Variants in CNTNAP4 observed in about 807,000 individuals in gnomAD.
The protein encoded by CNTNAP4 is contactin-associated protein-like 4.
CNTNAP4 carries 98 observed loss-of-function variants against 148.4 expected under a neutral mutation model. The observed-to-expected ratio is 0.66, with a 90% confidence interval of 0.56 to 0.78. The LOEUF (loss-of-function observed/expected upper bound fraction) is 0.78, where lower values mean the gene tolerates loss of function less well. Among genes scored for constraint, CNTNAP4 ranks in the 30% least tolerant of loss-of-function variants. The pLI is 0.00. For synonymous variants in CNTNAP4, 730 were observed against 565.1 expected (o/e 1.29, Z -4.14); for missense variants, 1,935 against 1,565.6 (o/e 1.24, Z -3.98).
intron 1 of CNTNAP4, among the ~76,000 whole-genome samples, chr16:76,302,078 A>G (rs890762445): frequency 2.0e-5 from 3 of 152,088 alleles, no homozygotes; most frequent in Non-Finnish European, 2.9e-5. Context: ...CGAAGCGACC[A>G]TTACCATGGT....
chr16:76,446,495 A>G (rs2080250783), intron 4 of CNTNAP4, among the ~76,000 whole-genome samples: 1 of 152,202 alleles, frequency 6.6e-6, no homozygotes. Flanking sequence ...TGACAGATGT[A>G]TTGTTAGGTT....
chr16:76,326,650 G>A lies in CNTNAP4; in HGVS notation c.196+10127G>A, dbSNP rs150411439. Among the ~76,000 whole-genome samples, 94 of 152,186 alleles carry A rather than the reference G, an allele frequency of 6.2e-4. 1 individual carries two copies. The highest frequency in any genetic ancestry group is 2.2e-3 in the African/African-American group (90 of 41,516). ...ATGATGAGTTCATGTCCTTTGTAGGGACATGGATAAAGCTGGAAACCATCA... is the reference window on the plus strand; with the variant it reads ...ATGATGAGTTCATGTCCTTTGTAGGAACATGGATAAAGCTGGAAACCATCA... On this transcript the variant is annotated intron_variant, in intron 2 of 23. Transcript: ENST00000611870.
intron 15 of CNTNAP4, among the ~76,000 whole-genome samples, chr16:76,503,802 G>A (rs2082739658): frequency 6.6e-6 from 1 of 151,766 alleles, no homozygotes; most frequent in South Asian, 2.1e-4. Context: ...CTTTGCGATA[G>A]TTTGCTGAGA....
In CNTNAP4 at chr16:76,465,181, C is replaced by A. The variant is rs141470461; in HGVS notation, c.1484-2171C>A. On this transcript the variant is annotated intron_variant, in intron 9 of 23. Coordinates refer to ENST00000611870, the MANE Select transcript of CNTNAP4 (RefSeq NM_033401.5). ...GAGGTGCTTAACATGCTGACTGCCT[C>A]CAGTAATGGATCCATCCATTAATTC... 1.1e-3 allele frequency among the ~76,000 whole-genome samples: 167 copies of A among 152,294 alleles called. 2 individuals are homozygous for A. In the East Asian group the frequency reaches 0.028, roughly 26 times the overall value.
intron 3 of CNTNAP4, among the ~76,000 whole-genome samples, chr16:76,397,791 A>G (rs2078252020): frequency 9.4e-6 from 1 of 106,714 alleles, no homozygotes; most frequent in Non-Finnish European, 2.0e-5. Context: ...TTATGTGTGC[A>G]TGTGTTTGTG....
chr16:76,379,013 T>C (rs1326152394), intron 3 of CNTNAP4, among the ~76,000 whole-genome samples: 3 of 152,184 alleles, frequency 2.0e-5, no homozygotes, highest in Non-Finnish European at 2.9e-5. Flanking sequence ...AAAATGTGAT[T>C]GAGACTCAGT....
In CNTNAP4 at chr16:76,448,061, T is replaced by C. The variant is rs550245520; in HGVS notation, c.588T>C (p.Phe196=). ...LDGKSSLLYR[F]DQKSLSPIKD... ...GAAAAAGTTCCCTTCTCTACAGATT[T>C]GATCAAAAATCCCTGAGCCCAATAA... Residue 196 remains phenylalanine, a synonymous_variant, in exon 5 of 24, where the codon TTT becomes TTC. Coordinates refer to ENST00000611870, the MANE Select transcript of CNTNAP4 (RefSeq NM_033401.5). 1.2e-6 allele frequency: 2 copies of C among 1,613,796 alleles called. No homozygotes were observed. Among genetic ancestry groups the C allele is most frequent in the Admixed American group, 1.7e-5 (1 of 60,016 alleles).
In CNTNAP4 at chr16:76,560,575, C is replaced by A. The variant is rs2085375513; in HGVS notation, c.*1892C>A. Among the ~76,000 whole-genome samples, 2 of 152,084 alleles carry A rather than the reference C, an allele frequency of 1.3e-5. No individual in the cohort carries two copies. The highest frequency in any genetic ancestry group is 4.1e-4 in the South Asian group (2 of 4,822). ...CATGTTATTTAGTAGCGGTATTAAC[C>A]TCATTGGTAGCTGAACTCTAGGGAG... On this transcript the variant is annotated 3_prime_UTR_variant, in exon 24 of 24. Coordinates refer to ENST00000611870, the MANE Select transcript of CNTNAP4 (RefSeq NM_033401.5).
At chr16:76,434,987 G>C (rs1442367512) in intron 4 of CNTNAP4, among the ~76,000 whole-genome samples, 1 of 152,156 alleles carries the variant, frequency 6.6e-6, no homozygotes, top group Non-Finnish European at 1.5e-5. Flanking sequence ...ACAGTGTCCA[G>C]TGGTCCCTGA....
chr16:76,363,326 C>A (rs1361944834), intron 3 of CNTNAP4, among the ~76,000 whole-genome samples: 1 of 151,912 alleles, frequency 6.6e-6, no homozygotes, highest in Non-Finnish European at 1.5e-5. Flanking sequence ...CCATACCCAG[C>A]TAATTTTTTA....
At chr16:76,344,104 A>G (rs2144378894) in intron 2 of CNTNAP4, among the ~76,000 whole-genome samples, 2 of 152,302 alleles carry the variant, frequency 1.3e-5, no homozygotes, top group Middle Eastern at 6.8e-3. Flanking sequence ...CTCTTTGCAT[A>G]CCACCCTATC....
In CNTNAP4 at chr16:76,355,371, G is replaced by C. The variant is rs1392639874; in HGVS notation, c.250G>C (p.Asp84His). 1 of 1,605,940 alleles carries C rather than the reference G, an allele frequency of 6.2e-7. No individual in the cohort carries two copies. Among genetic ancestry groups the C allele is most frequent in the East Asian group, 2.3e-5 (1 of 44,134 alleles). Reference sequence around the variant, plus strand: ...TAACAAATACCAGTGGTTGCAGATTGACCTTGGAGAGAGAATGGAGGTCAC... The same window carrying C: ...TAACAAATACCAGTGGTTGCAGATTCACCTTGGAGAGAGAATGGAGGTCAC... ...VSNKYQWLQIDLGERMEVTAV... is the reference protein window; with the variant it reads ...VSNKYQWLQIHLGERMEVTAV... Residue 84 changes from aspartate (D) to histidine (H), a missense_variant, in exon 3 of 24, where the codon GAC (aspartate) becomes CAC (histidine). Asp to His is a moderately conservative substitution (Grantham distance 81). Transcript: ENST00000611870.
At chr16:76,450,219 G>A (rs940097667) in intron 7 of CNTNAP4, among the ~76,000 whole-genome samples, 1 of 151,612 alleles carries the variant, frequency 6.6e-6, no homozygotes, top group African/African-American at 2.4e-5. Flanking sequence ...GCATAATCTC[G>A]GCTCACTGCA....
intron 14 of CNTNAP4, 61 bp from the exon 15 acceptor site, chr16:76,498,506 T>C: frequency 2.7e-6 from 4 of 1,477,110 alleles, no homozygotes; most frequent in African/African-American, 1.4e-5. Context: ...ATCTTGGTTT[T>C]GCAATGCAAT....
intron 9 of CNTNAP4, among the ~76,000 whole-genome samples, chr16:76,463,397 G>C (rs1310623181): frequency 6.6e-6 from 1 of 152,054 alleles, no homozygotes; most frequent in Non-Finnish European, 1.5e-5. Context: ...TCATGTTCAG[G>C]TTTAACAATG....
chr16:76,294,970 A>C lies in CNTNAP4; in HGVS notation c.85+17223A>C, dbSNP rs559810741. 5.0e-4 allele frequency among the ~76,000 whole-genome samples: 76 copies of C among 152,274 alleles called. No homozygotes were observed. The South Asian group carries it at 8.1e-3, about 16-fold the overall frequency. On this transcript the variant is annotated intron_variant, in intron 1 of 23. Coordinates refer to ENST00000611870, the MANE Select transcript of CNTNAP4 (RefSeq NM_033401.5). ...TAAGACAAAATGTATTGTATTGTTTAAGGTGCTTATAGGGGGGCCGGTGTT... is the reference window on the plus strand; with the variant it reads ...TAAGACAAAATGTATTGTATTGTTTCAGGTGCTTATAGGGGGGCCGGTGTT...
At chr16:76,541,970 G>A (rs1358160884) in intron 21 of CNTNAP4, among the ~76,000 whole-genome samples, 1 of 152,180 alleles carries the variant, frequency 6.6e-6, no homozygotes, top group African/African-American at 2.4e-5. Flanking sequence ...ACTGACATGT[G>A]TATCATTTGC....
chr16:76,371,389 G>A (rs1011539513), intron 3 of CNTNAP4, among the ~76,000 whole-genome samples: 1 of 152,072 alleles, frequency 6.6e-6, no homozygotes, highest in Non-Finnish European at 1.5e-5. Flanking sequence ...GGATTCAAGC[G>A]ACTCTCCTGC....
chr16:76,384,482 C>T (rs536077624), intron 3 of CNTNAP4, among the ~76,000 whole-genome samples: 15 of 152,166 alleles, frequency 9.9e-5, no homozygotes, highest in Non-Finnish European at 1.6e-4. Context: ...AGGAGGCCAC[C>T]CACACCCAAG....
Sources: gnomAD v4.1 joint callset for allele counts (sites outside exome capture counted in the v4.1 genomes callset) on GRCh38, gnomAD v4.1.1 for gene constraint, MANE v1.5 for transcripts, NCBI Gene and HGNC (gene_info 2026-07-23, HGNC 2026-07-21) for gene names.